SGSM1: variants seen among roughly 807,000 people sequenced by gnomAD.
SGSM1 encodes the protein small G protein signaling modulator 1, also known as RUN and TBC1 domain containing 2.
SGSM1 carries 73 observed loss-of-function variants against 133.8 expected under a neutral mutation model. The ratio of observed to expected loss-of-function variants is 0.55; its 90% CI spans 0.45 to 0.66. The LOEUF is 0.66. SGSM1 is among the 30% of genes least tolerant of loss of function. The pLI is 0.00. For synonymous variants in SGSM1, 563 were observed against 573.0 expected, an observed-to-expected ratio of 0.98 and a Z score of 0.25; for missense variants, 1,213 against 1,448.1, an observed-to-expected ratio of 0.84 and a Z score of 2.64.
At chr22:24,866,017 C>G (rs1445760131) in intron 9 of SGSM1, among the ~76,000 whole-genome samples, 1 of 152,136 alleles carries the variant, frequency 6.6e-6, no homozygotes, top group African/African-American at 2.4e-5. Context: ...TTAATCCGCT[C>G]TGCTCCCCTC....
chr22:24,878,468 T>C (rs1367330882), intron 13 of SGSM1, among the ~76,000 whole-genome samples: 2 of 152,164 alleles, frequency 1.3e-5, no homozygotes, highest in Admixed American at 1.3e-4. Context: ...GGGGAACTCT[T>C]TACTGTTTAA....
At chr22:24,896,065 A>AAAG (rs1448296824) in intron 18 of SGSM1, among the ~76,000 whole-genome samples, 2 of 152,132 alleles carry the variant, frequency 1.3e-5, no homozygotes, top group African/African-American at 4.8e-5. Context: ...ACGCACACAC[A>AAAG]AAGCCAAGTG....
intron 2 of SGSM1, among the ~76,000 whole-genome samples, chr22:24,811,622 T>G (rs749595454): frequency 1.3e-5 from 2 of 152,044 alleles, no homozygotes; most frequent in Non-Finnish European, 2.9e-5. Context: ...TCCCAGCCCT[T>G]TGGGAGGCCA....
At chr22:24,816,326 C>T (rs901859229) in intron 2 of SGSM1, among the ~76,000 whole-genome samples, 14 of 151,748 alleles carry the variant, frequency 9.2e-5, no homozygotes, top group African/African-American at 1.7e-4. Flanking sequence ...CTTTTCAAGT[C>T]GGATAAACCC....
chr22:24,910,548 A>G (rs1334684995), intron 21 of SGSM1, among the ~76,000 whole-genome samples: 3 of 151,974 alleles, frequency 2.0e-5, no homozygotes, highest in Non-Finnish European at 2.9e-5. Flanking sequence ...TCAGGAGGCT[A>G]AGACAAGAGG....
intron 18 of SGSM1, among the ~76,000 whole-genome samples, chr22:24,897,053 C>A (rs993373025): frequency 1.3e-5 from 2 of 151,914 alleles, no homozygotes. Flanking sequence ...TTATTGTCTC[C>A]CCTTATTTTG....
chr22:24,853,826 C>T (rs1372785628), intron 5 of SGSM1, among the ~76,000 whole-genome samples: 3 of 142,754 alleles, frequency 2.1e-5, no homozygotes, highest in East Asian at 2.0e-4. Context: ...ACCGTGTTAG[C>T]CAGGATGGTC....
At chr22:24,868,568 T>C (rs751042980) in intron 11 of SGSM1, 29 bp downstream of exon 11, 55 of 1,613,216 alleles carry the variant, frequency 3.4e-5, no homozygotes, top group Non-Finnish European at 4.4e-5. Flanking sequence ...CCAGGGAGGC[T>C]GGGGTGGAGG....
At chr22:24,807,779 A>G (rs1010147158) in intron 2 of SGSM1, among the ~76,000 whole-genome samples, 10 of 151,964 alleles carry the variant, frequency 6.6e-5, no homozygotes, top group African/African-American at 2.2e-4. Flanking sequence ...ATCAAGCATC[A>G]CTGATGACCC....
intron 9 of SGSM1, among the ~76,000 whole-genome samples, chr22:24,863,823 C>T (rs1200321707): frequency 4.0e-5 from 6 of 150,926 alleles, no homozygotes; most frequent in African/African-American, 9.8e-5. Flanking sequence ...CTCACTGCAA[C>T]CTCCGCCTCC....
At chr22:24,832,713 A>G (rs1356552369) in intron 2 of SGSM1, among the ~76,000 whole-genome samples, 1 of 152,168 alleles carries the variant, frequency 6.6e-6, no homozygotes, top group East Asian at 1.9e-4. Context: ...CTGTTACTTC[A>G]CTAGGGCTGC....
chr22:24,910,477 ATCTCTATAAAAAT>A (rs1933579989), intron 21 of SGSM1, among the ~76,000 whole-genome samples: 1 of 152,068 alleles, frequency 6.6e-6, no homozygotes, highest in Non-Finnish European at 1.5e-5. Flanking sequence ...GTGAGACTCC[ATCTCTATAAAAAT>A]TTAAAAATTA....
At chr22:24,868,297 G>C in intron 10 of SGSM1, 79 bp from the exon 11 acceptor site, 1 of 1,537,156 alleles carries the variant, frequency 6.5e-7, no homozygotes, top group Non-Finnish European at 8.8e-7. Context: ...ACCCCTGGGG[G>C]ATGTGCTTGC....
chr22:24,903,362 C>A (rs1242099203), intron 20 of SGSM1, among the ~76,000 whole-genome samples: 1 of 151,772 alleles, frequency 6.6e-6, no homozygotes, highest in Non-Finnish European at 1.5e-5. Context: ...GTGCACGCTG[C>A]CAGGCCCGGC....
At chr22:24,840,128 T>C (rs974824504) in intron 2 of SGSM1, among the ~76,000 whole-genome samples, 4 of 151,924 alleles carry the variant, frequency 2.6e-5, no homozygotes, top group Non-Finnish European at 5.9e-5. Flanking sequence ...ATTTTTTTAG[T>C]AGAGACGGGG....
At position 24,893,447 on chromosome 22, in the gene SGSM1, A is replaced by G. The variant is rs775016299; in HGVS notation, c.1787A>G (p.His596Arg). 1.1e-5 allele frequency: 18 copies of G among 1,613,588 alleles called. No individual in the cohort carries two copies. Among genetic ancestry groups the G allele is most frequent in the Non-Finnish European group, 1.5e-5 (18 of 1,179,766 alleles). Residue 596 changes from histidine to arginine, a missense_variant, in exon 17 of 25, where the codon CAT becomes CGT. His to Arg is a conservative substitution (Grantham distance 29). Coordinates refer to ENST00000400358, the MANE Select transcript of SGSM1 (RefSeq NM_001098497.3). ...CCCTGGCAGGTGGACGAGCAGATTC[A>G]TGCCTGCTATGCACAGACCATGGCT... ...TERKEVDEQI[H>R]ACYAQTMAEW... is the part of the protein sequence containing the mutation.
At position 24,876,655 on chromosome 22, in the gene SGSM1, C is replaced by T. The variant is rs779714195; in HGVS notation, c.1370C>T (p.Ser457Leu). The T allele has an allele frequency of 2.4e-5, 38 of 1,613,900 alleles. No homozygotes were observed. The highest frequency in any genetic ancestry group is 3.2e-5 in the Non-Finnish European group (38 of 1,179,908). ...CCCAGTCCCCGGAAGTCCTCCTGTT[C>T]ATCCTGTTCACAGAGTGGCTCGGCT... Reference protein sequence around the residue: ...WQPSPRKSSCSSCSQSGSADG... With the variant: ...WQPSPRKSSCLSCSQSGSADG... The change falls in exon 13 of 25, where the codon TCA (serine) becomes TTA (leucine). Residue 457 changes from serine (S) to leucine (L), a missense_variant. Coordinates refer to ENST00000400358, the MANE Select transcript of SGSM1 (RefSeq NM_001098497.3).
At chr22:24,827,076 C>A (rs191038262) in intron 2 of SGSM1, among the ~76,000 whole-genome samples, 3 of 152,104 alleles carry the variant, frequency 2.0e-5, no homozygotes, top group Non-Finnish European at 4.4e-5. Flanking sequence ...ATGACAGCTC[C>A]GCACCCTGGG....
At chr22:24,860,920 AAAATATATAT>A (rs1312113020) in intron 9 of SGSM1, among the ~76,000 whole-genome samples, 4 of 63,402 alleles carry the variant, frequency 6.3e-5, no homozygotes, top group Admixed American at 2.1e-4. Context: ...AAAAAAAAAA[AAAATATATAT>A]ATATATATAT....
Sources: allele counts gnomAD v4.1 joint callset (sites outside exome capture counted in the v4.1 genomes callset), GRCh38; gene constraint gnomAD v4.1.1; transcripts MANE v1.5; gene names NCBI Gene and HGNC (gene_info 2026-07-23, HGNC 2026-07-21).